NCOA2: variants seen among roughly 807,000 people sequenced by gnomAD.
NCOA2 encodes the protein nuclear receptor coactivator 2.
NCOA2 carries 21 observed loss-of-function variants against 145.1 expected under a neutral mutation model. The observed-to-expected ratio is 0.14, with a 90% CI of 0.10 to 0.21. The LOEUF (loss-of-function observed/expected upper bound fraction) is 0.21. NCOA2 is among the 10% of genes least tolerant of loss of function. The pLI is 1.00. For synonymous variants in NCOA2, 619 were observed against 637.5 expected, an observed-to-expected ratio of 0.97 and a Z score of 0.44; for missense variants, 1,472 against 1,837.6, an observed-to-expected ratio of 0.80 and a Z score of 3.64.
chr8:70,161,631 A>G (rs1410067616), intron 9 of NCOA2, among the ~76,000 whole-genome samples: 1 of 152,238 alleles, frequency 6.6e-6, no homozygotes, highest in Non-Finnish European at 1.5e-5. Flanking sequence ...ACTATTGGTA[A>G]AGTGCCAGAT....
chr8:70,163,435 C>A, intron 8 of NCOA2, 30 bp downstream of exon 8: 1 of 1,498,162 alleles, frequency 6.7e-7, no homozygotes, highest in Non-Finnish European at 9.3e-7. Context: ...TAAAATGATT[C>A]CTTTGGTCTT....
the NCOA2 span, among the ~76,000 whole-genome samples, chr8:70,412,720 G>T: frequency 2.7e-5 from 4 of 150,106 alleles, no homozygotes; most frequent in African/African-American, 9.8e-5. Flanking sequence ...TCTCATTTGA[G>T]TATTGCTAGT....
At chr8:70,131,385 T>C (rs1051558949) in intron 16 of NCOA2, among the ~76,000 whole-genome samples, 3 of 152,222 alleles carry the variant, frequency 2.0e-5, no homozygotes, top group Non-Finnish European at 4.4e-5. Context: ...CTAACTTATG[T>C]GGAAAGTATT....
the NCOA2 span, among the ~76,000 whole-genome samples, chr8:70,437,829 G>A: frequency 6.6e-6 from 1 of 152,088 alleles, no homozygotes; most frequent in African/African-American, 2.4e-5. Context: ...ATAGACATTT[G>A]CTCATGGATA....
chr8:70,192,128 A>C (rs1816760297), intron 4 of NCOA2, among the ~76,000 whole-genome samples: 1 of 152,248 alleles, frequency 6.6e-6, no homozygotes, highest in Non-Finnish European at 1.5e-5. Context: ...TGTATTTCAA[A>C]GAATACATTT....
chr8:70,450,593 T>A, the NCOA2 span, among the ~76,000 whole-genome samples: 1 of 145,242 alleles, frequency 6.9e-6, no homozygotes, highest in Non-Finnish European at 1.5e-5. Flanking sequence ...TTTTTTTTTT[T>A]TGTGAGATGG....
At chr8:70,227,564 T>C (rs1820760996) in intron 2 of NCOA2, among the ~76,000 whole-genome samples, 1 of 152,186 alleles carries the variant, frequency 6.6e-6, no homozygotes, top group Non-Finnish European at 1.5e-5. Context: ...TTTCTTACCA[T>C]ACAAATTCCT....
intron 1 of NCOA2, among the ~76,000 whole-genome samples, chr8:70,309,944 C>T (rs946268220): frequency 6.6e-6 from 1 of 151,794 alleles, no homozygotes; most frequent in Non-Finnish European, 1.5e-5. Context: ...CAGAGCAAGA[C>T]CCTGTCTCGA....
chr8:70,422,038 T>G, the NCOA2 span, among the ~76,000 whole-genome samples: 1 of 151,584 alleles, frequency 6.6e-6, no homozygotes, highest in Non-Finnish European at 1.5e-5. Flanking sequence ...GAGGTTGCAT[T>G]GAGCTGAGAT....
chr8:70,424,509 C>G, the NCOA2 span: 1 of 528,872 alleles, frequency 1.9e-6, no homozygotes, highest in Non-Finnish European at 3.8e-6. Flanking sequence ...CTATTTTCTG[C>G]CAACATGGAT....
intron 1 of NCOA2, among the ~76,000 whole-genome samples, chr8:70,314,803 T>C (rs748008623): frequency 2.7e-4 from 41 of 152,228 alleles, no homozygotes; most frequent in Non-Finnish European, 5.4e-4. Flanking sequence ...AATTGAGAAT[T>C]GAACCATGTT....
intron 21 of NCOA2, 22 bp from the exon 22 acceptor site, chr8:70,121,413 A>G (rs768776926): frequency 6.9e-6 from 11 of 1,585,810 alleles, no homozygotes; most frequent in Non-Finnish European, 8.6e-6. Flanking sequence ...AAGACAGGAC[A>G]GTGGCTACGC....
intron 2 of NCOA2, among the ~76,000 whole-genome samples, chr8:70,267,578 ATT>A (rs1824721655): frequency 6.6e-6 from 1 of 151,116 alleles, no homozygotes. Flanking sequence ...TTTATTTTTT[ATT>A]TTTTATTTTT....
chr8:70,257,022 C>A (rs758012845), intron 2 of NCOA2, among the ~76,000 whole-genome samples: 7 of 152,160 alleles, frequency 4.6e-5, no homozygotes, highest in Admixed American at 4.6e-4. Context: ...CTCTGATAGG[C>A]GTCATCTTCT....
At chr8:70,333,104 C>T (rs774414755) in intron 1 of NCOA2, among the ~76,000 whole-genome samples, 4 of 152,196 alleles carry the variant, frequency 2.6e-5, no homozygotes, top group African/African-American at 7.2e-5. Flanking sequence ...AAATTCCATT[C>T]TCTTTTCACC....
intron 4 of NCOA2, among the ~76,000 whole-genome samples, chr8:70,192,236 A>G (rs947880161): frequency 6.6e-6 from 1 of 152,168 alleles, no homozygotes; most frequent in African/African-American, 2.4e-5. Context: ...TATTACAGTA[A>G]CAATCCTTAC....
intron 5 of NCOA2, among the ~76,000 whole-genome samples, chr8:70,174,289 T>C (rs62533468): frequency 0.03 from 4,610 of 152,290 alleles, 93 homozygotes; most frequent in Non-Finnish European, 0.05. Context: ...TTGCCTATTA[T>C]TTCAGTTTTC....
At chr8:70,379,099 A>G (rs1270405265) in intron 1 of NCOA2, among the ~76,000 whole-genome samples, 2 of 142,886 alleles carry the variant, frequency 1.4e-5, no homozygotes, top group African/African-American at 6.1e-5. Flanking sequence ...TAAATCTCTT[A>G]ATGTTTTAAG....
intron 1 of NCOA2, among the ~76,000 whole-genome samples, chr8:70,311,939 C>T (rs968095852): frequency 6.6e-6 from 1 of 152,216 alleles, no homozygotes; most frequent in Non-Finnish European, 1.5e-5. Context: ...AAACACTTTA[C>T]AAGTTTCAAA....
Sources: gnomAD v4.1 joint callset for allele counts (sites outside exome capture counted in the v4.1 genomes callset) on GRCh38, gnomAD v4.1.1 for gene constraint, MANE v1.5 for transcripts, NCBI Gene and HGNC (gene_info 2026-07-23, HGNC 2026-07-21) for gene names.